Variants in SLFN12L observed in about 807,000 individuals in gnomAD.
The protein encoded by SLFN12L is schlafen family member 12 like.
SLFN12L carries 34 observed loss-of-function variants against 34.8 expected under a neutral mutation model. The ratio of observed to expected loss-of-function variants is 0.98; its 90% CI spans 0.74 to 1.30. The LOEUF (loss-of-function observed/expected upper bound fraction) is 1.30, where lower values mean the gene tolerates loss of function less well. Ranked by LOEUF, SLFN12L falls within the 50% of genes most tolerant of loss-of-function variation. The probability of loss-of-function intolerance (pLI) is 0.00; values close to 1 mark genes in which losing one functional copy is unlikely to be tolerated. For synonymous variants in SLFN12L, 259 were observed against 247.5 expected (o/e 1.05, Z -0.44); for missense variants, 703 against 696.2 (o/e 1.01, Z -0.11).
intron 2 of SLFN12L, among the ~76,000 whole-genome samples, chr17:35,481,218 C>T (rs1339283897): frequency 6.6e-6 from 1 of 152,202 alleles, no homozygotes; most frequent in Admixed American, 6.5e-5. Context: ...CTGGGGAAGG[C>T]ACCTGTTACT....
rs1180058996 is a variant in SLFN12L, at chr17:35,522,586, T to G, written c.-222A>C. ...AATGTGCTGGGTGCCTGCAAAACTA[T>G]AGGACGCAGGGTAATCCATCGGAGA... is the stretch of plus-strand genomic sequence containing the variant. On this transcript the variant is annotated 5_prime_UTR_variant, in exon 2 of 5. Coordinates refer to ENST00000628453, the MANE Select transcript of SLFN12L (RefSeq NM_001363830.2). 7 of 1,608,574 alleles carry G rather than the reference T, an allele frequency of 4.4e-6. No homozygotes were observed. The highest frequency in any genetic ancestry group is 5.9e-6 in the Non-Finnish European group (7 of 1,177,580).
chr17:35,511,143 A>G (rs1368668405), intron 2 of SLFN12L, among the ~76,000 whole-genome samples: 1 of 152,200 alleles, frequency 6.6e-6, no homozygotes, highest in African/African-American at 2.4e-5. Context: ...CTAGTAGAAA[A>G]CATTTTAAGA....
At chr17:35,486,861 A>G (rs1160708623) in intron 2 of SLFN12L, among the ~76,000 whole-genome samples, 1 of 152,138 alleles carries the variant, frequency 6.6e-6, no homozygotes, top group African/African-American at 2.4e-5. Flanking sequence ...AAGAACTGCA[A>G]CCCACAAGGG....
intron 2 of SLFN12L, among the ~76,000 whole-genome samples, chr17:35,491,458 C>T (rs1914834380): frequency 6.6e-6 from 1 of 152,190 alleles, no homozygotes; most frequent in South Asian, 2.1e-4. Flanking sequence ...TTGGGAAAGC[C>T]CTGCTTTGCT....
At chr17:35,510,738 T>A (rs1241771794) in intron 2 of SLFN12L, among the ~76,000 whole-genome samples, 2 of 151,796 alleles carry the variant, frequency 1.3e-5, no homozygotes, top group Admixed American at 6.6e-5. Flanking sequence ...TGCAATTATA[T>A]CTCAGTTTTA....
chr17:35,521,946 C>T (rs1916008654), intron 2 of SLFN12L, among the ~76,000 whole-genome samples: 1 of 151,978 alleles, frequency 6.6e-6, no homozygotes, highest in Non-Finnish European at 1.5e-5. Flanking sequence ...GGAAAGGGAA[C>T]ATCACACACA....
chr17:35,530,508 G>GAAAGAAAGAAAAGAAAAGA (rs1555545979), intron 1 of SLFN12L, among the ~76,000 whole-genome samples: 2 of 32,772 alleles, frequency 6.1e-5, no homozygotes, highest in Non-Finnish European at 8.6e-5. Context: ...AAGAAAGAAA[G>GAAAGAAAGAAAAGAAAAGA]AAAGAAAAGA....
chr17:35,479,591 C>T lies in SLFN12L; in HGVS notation c.691G>A (p.Glu231Lys), dbSNP rs1291052228. 6.2e-6 allele frequency: 10 copies of T among 1,612,998 alleles called. No individual in the cohort carries two copies. The highest frequency in any genetic ancestry group is 8.5e-6 in the Non-Finnish European group (10 of 1,179,648). ...GTCAATTTTTCTTTATAACCAAGTT[C>T]TGTTCTGTTAAAAAAATCAGCAGCC... ...ALAADFFNRT[E>K]LGYKEKLTFT... Residue 231 changes from glutamate to lysine, a missense_variant, in exon 3 of 5, where the codon GAA (glutamate) becomes AAA (lysine). Physicochemically the swap from Glu to Lys is moderately conservative, Grantham distance 56 (BLOSUM62 1). Transcript: ENST00000628453.
intron 2 of SLFN12L, among the ~76,000 whole-genome samples, chr17:35,502,440 A>C (rs989380842): frequency 7.3e-5 from 11 of 150,384 alleles, no homozygotes; most frequent in African/African-American, 2.2e-4. Context: ...AAAAAAAAAA[A>C]AAACGATGAT....
intron 2 of SLFN12L, among the ~76,000 whole-genome samples, chr17:35,492,867 T>C (rs1371016495): frequency 6.6e-6 from 1 of 151,814 alleles, no homozygotes; most frequent in African/African-American, 2.4e-5. Context: ...AAACAAACAA[T>C]TAAATTGAAA....
intron 2 of SLFN12L, among the ~76,000 whole-genome samples, chr17:35,484,170 C>T (rs1914483495): frequency 6.6e-6 from 1 of 152,160 alleles, no homozygotes; most frequent in Admixed American, 6.5e-5. Flanking sequence ...ATGTTTTCCT[C>T]CACCTTTGTC....
At chr17:35,513,976 C>T (rs1038331300) in intron 2 of SLFN12L, among the ~76,000 whole-genome samples, 28 of 152,266 alleles carry the variant, frequency 1.8e-4, no homozygotes, top group Admixed American at 1.2e-3. Flanking sequence ...TGCCAACATA[C>T]GTTCCTCAGA....
chr17:35,526,612 G>A (rs574968711), intron 1 of SLFN12L, among the ~76,000 whole-genome samples: 31 of 152,056 alleles, frequency 2.0e-4, no homozygotes, highest in South Asian at 6.2e-4. Flanking sequence ...ATGACTACCA[G>A]GTAAATAACG....
At chr17:35,517,452 T>C (rs192587806) in intron 2 of SLFN12L, among the ~76,000 whole-genome samples, 6 of 152,264 alleles carry the variant, frequency 3.9e-5, no homozygotes, top group Non-Finnish European at 7.4e-5. Context: ...AGAATCAATA[T>C]TGTGAAAATG....
At chr17:35,511,033 C>T (rs901544339) in intron 2 of SLFN12L, among the ~76,000 whole-genome samples, 1 of 152,034 alleles carries the variant, frequency 6.6e-6, no homozygotes, top group Non-Finnish European at 1.5e-5. Flanking sequence ...AACTTTACTA[C>T]TCTTTTGTTT....
At chr17:35,484,295 G>A (rs1214609796) in intron 2 of SLFN12L, among the ~76,000 whole-genome samples, 1 of 152,152 alleles carries the variant, frequency 6.6e-6, no homozygotes, top group Admixed American at 6.5e-5. Context: ...TAGATCTAGG[G>A]AAATATTTAG....
Position 35,475,220 on chromosome 17 carries a change from T to G in SLFN12L, c.1542A>C (p.Thr514=), listed in dbSNP as rs751400628. ...TCTGTTTTAAAGTTTGGGCAGTTTG[T>G]GTAGAATAGTCTTTAAACTCCTCAT... ...VQDEEFKDYS[T]QTAQTLKQKL... Residue 514 remains threonine, a synonymous_variant, in exon 5 of 5, where the codon ACA becomes ACC. Coordinates refer to ENST00000628453, the MANE Select transcript of SLFN12L (RefSeq NM_001363830.2). 3 of 1,614,182 alleles carry G rather than the reference T, an allele frequency of 1.9e-6. No homozygotes were observed. In the African/African-American group the frequency reaches 4.0e-5, roughly 22 times the overall value.
At chr17:35,526,594 G>A (rs535707285) in intron 1 of SLFN12L, among the ~76,000 whole-genome samples, 1 of 152,258 alleles carries the variant, frequency 6.6e-6, no homozygotes, top group South Asian at 2.1e-4. Context: ...TGAACAACCT[G>A]CTCCTGAATG....
At chr17:35,526,808 C>A (rs992050374) in intron 1 of SLFN12L, among the ~76,000 whole-genome samples, 2 of 151,680 alleles carry the variant, frequency 1.3e-5, no homozygotes, top group Non-Finnish European at 2.9e-5. Flanking sequence ...ACTAGAGAAG[C>A]GACAGCAAAC....
Sources: allele counts gnomAD v4.1 joint callset (sites outside exome capture counted in the v4.1 genomes callset), GRCh38; gene constraint gnomAD v4.1.1; transcripts MANE v1.5; gene names NCBI Gene and HGNC (gene_info 2026-07-23, HGNC 2026-07-21).